The following ST3GAL3 variants were observed in gnomAD, a reference collection of about 807,000 sequenced individuals.
ST3GAL3 encodes ST3 beta-galactoside alpha-2,3-sialyltransferase 3, also known as CMP-N-acetylneuraminate-beta-1,4-galactoside alpha-2,3-sialyltransferase.
A neutral mutation model predicts 50.1 loss-of-function variants in ST3GAL3; 21 were observed. The observed-to-expected ratio is 0.42, with a 90% CI of 0.30 to 0.60. The LOEUF (loss-of-function observed/expected upper bound fraction) is 0.60. Ranked by LOEUF, ST3GAL3 falls within the 20% of genes least tolerant of loss-of-function variation. The probability of loss-of-function intolerance (pLI) is 0.19; values close to 1 mark genes in which losing one functional copy is unlikely to be tolerated. For synonymous variants in ST3GAL3, 183 were observed against 190.0 expected, an observed-to-expected ratio of 0.96 and a Z score of 0.30; for missense variants, 353 against 489.4, an observed-to-expected ratio of 0.72 and a Z score of 2.63.
chr1:43,817,551 T>TCTC (rs1573538433), intron 4 of ST3GAL3, among the ~76,000 whole-genome samples: 9 of 104,636 alleles, frequency 8.6e-5, no homozygotes, highest in East Asian at 7.5e-4. Context: ...TCCTTCTTCT[T>TCTC]CTTCTCCTTC....
chr1:43,747,403 C>T (rs1158011180), intron 2 of ST3GAL3, among the ~76,000 whole-genome samples: 1 of 151,784 alleles, frequency 6.6e-6, no homozygotes, highest in African/African-American at 2.4e-5. Flanking sequence ...CAGAGTGAGA[C>T]TCCATCTCAA....
intron 5 of ST3GAL3, among the ~76,000 whole-genome samples, chr1:43,884,420 G>A (rs2075650857): frequency 1.3e-5 from 2 of 152,172 alleles, no homozygotes; most frequent in Admixed American, 1.3e-4. Context: ...TATTTGACAG[G>A]GCATTTAGAA....
intron 3 of ST3GAL3, among the ~76,000 whole-genome samples, chr1:43,807,417 A>AAAT (rs2060023417): frequency 7.0e-6 from 1 of 142,614 alleles, no homozygotes; most frequent in Non-Finnish European, 1.5e-5. Context: ...CTCTGTCTCA[A>AAAT]AAATAAATAA....
At chr1:43,798,072 C>CTT (rs34721057) in intron 3 of ST3GAL3, among the ~76,000 whole-genome samples, 4 of 152,194 alleles carry the variant, frequency 2.6e-5, no homozygotes, top group Non-Finnish European at 5.9e-5. Context: ...TCCTCTCCCA[C>CTT]TTTTTCTTCC....
At chr1:43,926,264 G>C (rs2154298511) in intron 11 of ST3GAL3, among the ~76,000 whole-genome samples, 1 of 152,300 alleles carries the variant, frequency 6.6e-6, no homozygotes, top group South Asian at 2.1e-4. Context: ...CTTGAACGTG[G>C]ATACTTAACG....
intron 4 of ST3GAL3, among the ~76,000 whole-genome samples, chr1:43,819,622 A>G (rs1558449195): frequency 2.0e-5 from 3 of 149,714 alleles, no homozygotes; most frequent in Non-Finnish European, 4.5e-5. Context: ...ACCCTATTGC[A>G]TAGAAATACT....
At chr1:43,751,939 T>A (rs938889092) in intron 2 of ST3GAL3, among the ~76,000 whole-genome samples, 1 of 151,750 alleles carries the variant, frequency 6.6e-6, no homozygotes, top group Non-Finnish European at 1.5e-5. Context: ...CTGTCTCAGT[T>A]TCCTCAGTAG....
At chr1:43,747,666 C>T (rs767675674) in intron 2 of ST3GAL3, among the ~76,000 whole-genome samples, 19 of 150,428 alleles carry the variant, frequency 1.3e-4, no homozygotes, top group East Asian at 4.0e-4. Flanking sequence ...CTGCAACCTC[C>T]GCCTCCCAGG....
At chr1:43,824,990 A>G in intron 4 of ST3GAL3, 1 of 708,494 alleles carries the variant, frequency 1.4e-6, no homozygotes, top group East Asian at 2.7e-5. Context: ...AATTGATACC[A>G]AGAATAAATC....
intron 5 of ST3GAL3, among the ~76,000 whole-genome samples, chr1:43,875,897 CTCTTCTTCTTCTTCTTCT>C (rs66500354): frequency 0.052 from 7,024 of 133,804 alleles, 459 homozygotes; most frequent in African/African-American, 0.15. Context: ...TTTAGAATTT[CTCTTCTTCTTCTTCTTCT>C]TCTTCTTCTT....
intron 1 of ST3GAL3, among the ~76,000 whole-genome samples, chr1:43,713,495 A>G (rs929354569): frequency 1.3e-5 from 2 of 150,068 alleles, no homozygotes; most frequent in African/African-American, 2.5e-5. Flanking sequence ...CTTAAATCTC[A>G]CTACCTAAAG....
chr1:43,731,295 T>C (rs1476596821), intron 1 of ST3GAL3, among the ~76,000 whole-genome samples: 1 of 151,814 alleles, frequency 6.6e-6, no homozygotes, highest in East Asian at 1.9e-4. Context: ...CACTGCAACC[T>C]CCGCCTGCTG....
intron 5 of ST3GAL3, among the ~76,000 whole-genome samples, chr1:43,847,125 G>A (rs1202503477): frequency 2.0e-5 from 3 of 152,166 alleles, no homozygotes; most frequent in African/African-American, 7.2e-5. Flanking sequence ...AGGATACTAT[G>A]GCTATTATCC....
Position 43,927,004 on chromosome 1 carries a change from G to A in ST3GAL3, c.1039-3128G>A, listed in dbSNP as rs1428482353. On this transcript the variant is annotated intron_variant, in intron 11 of 11. Coordinates refer to ENST00000347631, the MANE Select transcript of ST3GAL3 (RefSeq NM_006279.5). ...GCTCCCACTCCACTGATTCAAACAT[G>A]TCTCAGATACCATATATCCCTCCAA... Among the ~76,000 whole-genome samples, 6 of 152,228 alleles carry A rather than the reference G, an allele frequency of 3.9e-5. No individual in the cohort carries two copies. In the East Asian group the frequency reaches 9.6e-4, roughly 24 times the overall value.
chr1:43,801,012 G>A (rs191538577), intron 3 of ST3GAL3, among the ~76,000 whole-genome samples: 70 of 152,222 alleles, frequency 4.6e-4, no homozygotes, highest in African/African-American at 1.6e-3. Flanking sequence ...CCAGAGATTG[G>A]AGCCAAAGAC....
At chr1:43,846,810 G>A (rs1337879106) in intron 5 of ST3GAL3, among the ~76,000 whole-genome samples, 1 of 152,106 alleles carries the variant, frequency 6.6e-6, no homozygotes, top group Non-Finnish European at 1.5e-5. Context: ...ATTTATTTTT[G>A]TTTGAAATAG....
intron 2 of ST3GAL3, chr1:43,738,529 C>A (rs1403724237): frequency 6.6e-6 from 1 of 150,830 alleles, no homozygotes; most frequent in Non-Finnish European, 1.5e-5. Flanking sequence ...TGAGGTCTCA[C>A]TCTGTTGCCC....
intron 9 of ST3GAL3, among the ~76,000 whole-genome samples, chr1:43,908,680 G>T (rs559945008): frequency 6.7e-6 from 1 of 149,434 alleles, no homozygotes; most frequent in Non-Finnish European, 1.5e-5. Context: ...AGACAGGAGT[G>T]CAGTGGCACA....
At chr1:43,906,768 G>A (rs1571202095) in intron 9 of ST3GAL3, among the ~76,000 whole-genome samples, 1 of 152,162 alleles carries the variant, frequency 6.6e-6, no homozygotes, top group East Asian at 1.9e-4. Flanking sequence ...CACTTATTAA[G>A]CTCTTCAGTT....
Sources: gnomAD v4.1 joint callset for allele counts (sites outside exome capture counted in the v4.1 genomes callset) on GRCh38, gnomAD v4.1.1 for gene constraint, MANE v1.5 for transcripts, NCBI Gene and HGNC (gene_info 2026-07-23, HGNC 2026-07-21) for gene names.